ETF1: variants seen among roughly 807,000 people sequenced by gnomAD.
ETF1 encodes eukaryotic peptide chain release factor subunit 1.
ETF1 carries 4 observed loss-of-function variants against 55.1 expected under a neutral mutation model. That is an observed-to-expected ratio of 0.07 (90% CI 0.04 to 0.17). ETF1 has a LOEUF of 0.17. ETF1 is among the 10% of genes least tolerant of loss of function. ETF1 has a pLI of 1.00. For synonymous variants in ETF1, 157 were observed against 182.3 expected (o/e 0.86, Z 1.12); for missense variants, 142 against 523.6 (o/e 0.27, Z 7.11).
chr5:138,542,685 C>T lies in ETF1; in HGVS notation c.86+148G>A, dbSNP rs542685310. 1.5e-3 allele frequency: 2,261 copies of T among 1,463,442 alleles called. 3 individuals are homozygous for T. The highest frequency in any genetic ancestry group is 1.8e-3 in the Non-Finnish European group (1,950 of 1,109,098). 90.7% of individuals were successfully genotyped at this position (1,463,442 alleles called of 1,614,324 possible). A position where few individuals can be genotyped will look rare whatever the true frequency, so the allele number is the denominator to read the frequency against. On this transcript the variant is annotated intron_variant, in intron 2 of 10. Coordinates refer to ENST00000360541, the MANE Select transcript of ETF1 (RefSeq NM_004730.4). Reference sequence around the variant, plus strand: ...CGGGCCAACCGCGCCGACCCTCGCCCCTGGGTCAGGGGCTACTACCCAGAG... The same window carrying T: ...CGGGCCAACCGCGCCGACCCTCGCCTCTGGGTCAGGGGCTACTACCCAGAG...
intron 2 of ETF1, among the ~76,000 whole-genome samples, chr5:138,534,284 T>C (rs1230526909): frequency 6.6e-6 from 1 of 152,216 alleles, no homozygotes; most frequent in Non-Finnish European, 1.5e-5. Flanking sequence ...ACACTTTTTC[T>C]ACAATGATAG....
chr5:138,533,589 G>C (rs1765791670), intron 2 of ETF1, among the ~76,000 whole-genome samples: 1 of 152,134 alleles, frequency 6.6e-6, no homozygotes, highest in African/African-American at 2.4e-5. Context: ...GGGAGTCTGA[G>C]GCAGAAGAAT....
At chr5:138,535,133 T>G (rs1765865443) in intron 2 of ETF1, among the ~76,000 whole-genome samples, 2 of 151,368 alleles carry the variant, frequency 1.3e-5, no homozygotes, top group Non-Finnish European at 2.9e-5. Flanking sequence ...TTATTTTTAG[T>G]AGAGACAGGT....
rs375041421 is a variant in ETF1 at position 138,513,558 on chromosome 5, C to T, written c.541+10G>A. 3.8e-6 allele frequency: 6 copies of T among 1,594,024 alleles called. No homozygotes were observed. In the African/African-American group the frequency reaches 8.0e-5, roughly 21 times the overall value. On this transcript the variant is annotated intron_variant, in intron 5 of 10. Transcript: ENST00000360541. ...AAAGTAAGTGGGTTCATGTTCTCCT[C>T]CTGTATTACCGTGTTTCTTTGGGAG...
intron 2 of ETF1, among the ~76,000 whole-genome samples, chr5:138,519,703 T>C (rs1241315019): frequency 2.0e-5 from 3 of 151,980 alleles, no homozygotes; most frequent in African/African-American, 4.8e-5. Context: ...AAACTCATTC[T>C]CTTTAAATGG....
chr5:138,535,389 G>A (rs1019125792), intron 2 of ETF1, among the ~76,000 whole-genome samples: 13 of 151,414 alleles, frequency 8.6e-5, no homozygotes, highest in Non-Finnish European at 1.6e-4. Context: ...GGAGTGCAGT[G>A]GCACGATCTC....
intron 2 of ETF1, chr5:138,529,507 G>T: frequency 1.6e-6 from 1 of 626,666 alleles, no homozygotes; most frequent in Non-Finnish European, 2.0e-6. Flanking sequence ...GTACAGCAAT[G>T]TGTCACATGC....
chr5:138,525,861 G>A (rs942817926), intron 2 of ETF1, among the ~76,000 whole-genome samples: 5 of 149,572 alleles, frequency 3.3e-5, no homozygotes, highest in East Asian at 2.0e-4. Context: ...CAGGAGAATC[G>A]CTTGAACTTG....
chr5:138,514,958 A>G (rs1160003054), intron 4 of ETF1, among the ~76,000 whole-genome samples: 1 of 151,968 alleles, frequency 6.6e-6, no homozygotes, highest in Non-Finnish European at 1.5e-5. Flanking sequence ...TTTTATTTTT[A>G]TAAACTGATC....
At chr5:138,525,701 T>C (rs1316112566) in intron 2 of ETF1, among the ~76,000 whole-genome samples, 2 of 151,858 alleles carry the variant, frequency 1.3e-5, no homozygotes, top group Non-Finnish European at 1.5e-5. Context: ...ATCCCAGCAC[T>C]GTGGGAGGCC....
intron 2 of ETF1, among the ~76,000 whole-genome samples, chr5:138,535,491 G>A (rs980840645): frequency 2.0e-5 from 3 of 151,734 alleles, no homozygotes; most frequent in African/African-American, 7.3e-5. Context: ...AGGCCGAGGC[G>A]GGCGGATCAC....
At chr5:138,523,269 A>G (rs1475542825) in intron 2 of ETF1, among the ~76,000 whole-genome samples, 11 of 152,216 alleles carry the variant, frequency 7.2e-5, no homozygotes, top group Admixed American at 3.3e-4. Flanking sequence ...CAGGAGGGTG[A>G]GGCAGGAGAA....
At chr5:138,521,802 T>C (rs1765243515) in intron 2 of ETF1, among the ~76,000 whole-genome samples, 1 of 152,214 alleles carries the variant, frequency 6.6e-6, no homozygotes, top group African/African-American at 2.4e-5. Context: ...AGTGCTGGGA[T>C]TACAGGCGTG....
chr5:138,519,474 C>A (rs1581030727), intron 2 of ETF1, among the ~76,000 whole-genome samples: 1 of 151,280 alleles, frequency 6.6e-6, no homozygotes, highest in East Asian at 1.9e-4. Flanking sequence ...CAAGCCTGGC[C>A]AACAGAGTGA....
chr5:138,542,958 C>T (rs542319426), intron 1 of ETF1, 22 bp from the exon 2 acceptor site: 1 of 1,608,986 alleles, frequency 6.2e-7, no homozygotes, highest in African/African-American at 1.3e-5. Flanking sequence ...CGGCGGGGCC[C>T]GGAGACACCA....
intron 2 of ETF1, among the ~76,000 whole-genome samples, chr5:138,522,903 G>A (rs1030555380): frequency 1.3e-5 from 2 of 152,116 alleles, no homozygotes; most frequent in Admixed American, 6.5e-5. Flanking sequence ...CTATTCAGGA[G>A]GCTGAGTCAG....
At chr5:138,528,576 T>C (rs766010117) in intron 2 of ETF1, among the ~76,000 whole-genome samples, 6 of 152,224 alleles carry the variant, frequency 3.9e-5, no homozygotes, top group Non-Finnish European at 8.8e-5. Context: ...TTTTGTTTGG[T>C]AGATTTCTAC....
At chr5:138,519,663 G>C (rs1440767466) in intron 2 of ETF1, among the ~76,000 whole-genome samples, 1 of 143,814 alleles carries the variant, frequency 7.0e-6, no homozygotes, top group Admixed American at 6.9e-5. Flanking sequence ...ACTTAGTCTC[G>C]AGAAAAAAAA....
intron 2 of ETF1, among the ~76,000 whole-genome samples, chr5:138,524,126 C>T (rs1050231616): frequency 2.7e-5 from 4 of 150,340 alleles, no homozygotes; most frequent in Admixed American, 6.7e-5. Context: ...GCAGAGGTTG[C>T]GGTGCAGTGA....
Sources: allele counts gnomAD v4.1 joint callset (sites outside exome capture counted in the v4.1 genomes callset), GRCh38; gene constraint gnomAD v4.1.1; transcripts MANE v1.5; gene names NCBI Gene and HGNC (gene_info 2026-07-23, HGNC 2026-07-21).